The following SPATA9 variants were observed in gnomAD, a reference collection of about 807,000 sequenced individuals.
The protein encoded by SPATA9 is spermatogenesis-associated protein 9.
A neutral mutation model predicts 25.5 loss-of-function variants in SPATA9; 27 were observed. That is an observed-to-expected ratio of 1.06 (90% CI 0.78 to 1.46). The LOEUF (loss-of-function observed/expected upper bound fraction) is 1.46. Ranked by LOEUF, SPATA9 falls within the 40% of genes most tolerant of loss-of-function variation. The pLI, the probability that SPATA9 is intolerant of heterozygous loss-of-function variation, is 0.00. For synonymous variants in SPATA9, 102 were observed against 105.7 expected (o/e 0.97, Z 0.21); for missense variants, 282 against 297.5 (o/e 0.95, Z 0.38).
chr5:95,706,643 A>G, the SPATA9 span, among the ~76,000 whole-genome samples: 1 of 152,112 alleles, frequency 6.6e-6, no homozygotes, highest in Non-Finnish European at 1.5e-5. Flanking sequence ...CAGACAGGTA[A>G]ATTAAGTTGT....
At chr5:95,731,148 C>T in the SPATA9 span, 46 of 1,015,450 alleles carry the variant, frequency 4.5e-5, no homozygotes, top group African/African-American at 3.1e-4. Flanking sequence ...CGGCGCCCCG[C>T]GCGGGCGGCT....
the SPATA9 span, among the ~76,000 whole-genome samples, chr5:95,710,667 G>A: frequency 1.3e-5 from 2 of 152,168 alleles, no homozygotes; most frequent in East Asian, 3.9e-4. Flanking sequence ...CTAAAGCAGA[G>A]GCTTCAGTTA....
the SPATA9 span, chr5:95,717,891 G>T: frequency 4.0e-4 from 61 of 152,194 alleles, no homozygotes; most frequent in African/African-American, 1.4e-3. Flanking sequence ...GCAGGTATTT[G>T]GTTTATAGTT....
downstream of SPATA9, chr5:95,654,029 T>G (rs1053026171): frequency 1.3e-6 from 2 of 1,590,434 alleles, no homozygotes; most frequent in Non-Finnish European, 1.7e-6. Flanking sequence ...AGTGAATACT[T>G]CTTGTAACTT....
intron 1 of SPATA9, among the ~76,000 whole-genome samples, chr5:95,690,711 C>G (rs925409366): frequency 6.6e-6 from 1 of 152,108 alleles, no homozygotes; most frequent in African/African-American, 2.4e-5. Flanking sequence ...CCAAAAAATT[C>G]CAGTATGATC....
chr5:95,658,530 A>G lies in SPATA9; in HGVS notation c.*93T>C. 2.2e-6 allele frequency: 3 copies of G among 1,384,542 alleles called. No homozygotes were observed. The highest frequency in any genetic ancestry group is 2.8e-6 in the Non-Finnish European group (3 of 1,061,156). The allele number at this position is 1,384,542 out of a possible 1,614,324, so 85.8% of individuals were successfully genotyped here. A position where few individuals can be genotyped will look rare whatever the true frequency, so the allele number is the denominator to read the frequency against. Reference sequence around the variant, plus strand: ...TCTCTTTTTTTTAAGAAAGCAGAGCAATTCAGAATATGTAAACTAGACTCT... The same window carrying G: ...TCTCTTTTTTTTAAGAAAGCAGAGCGATTCAGAATATGTAAACTAGACTCT... On this transcript the variant is annotated 3_prime_UTR_variant, in exon 5 of 5. Coordinates refer to ENST00000274432, the MANE Select transcript of SPATA9 (RefSeq NM_031952.4).
chr5:95,688,248 T>G (rs1231777397), intron 1 of SPATA9, among the ~76,000 whole-genome samples: 1 of 152,158 alleles, frequency 6.6e-6, no homozygotes, highest in Non-Finnish European at 1.5e-5. Context: ...GAATGAAATC[T>G]TGTCTCTTTT....
chr5:95,656,125 A>G, downstream of SPATA9: 9 of 1,613,812 alleles, frequency 5.6e-6, no homozygotes, highest in Non-Finnish European at 6.8e-6. Flanking sequence ...GGTCTGTACC[A>G]GTCTATAAAC....
At chr5:95,716,335 G>A in the SPATA9 span, among the ~76,000 whole-genome samples, 1 of 152,250 alleles carries the variant, frequency 6.6e-6, no homozygotes, top group African/African-American at 2.4e-5. Context: ...TGCCATGGGA[G>A]CCCACCTCTT....
chr5:95,716,570 T>C, the SPATA9 span, among the ~76,000 whole-genome samples: 1 of 152,220 alleles, frequency 6.6e-6, no homozygotes, highest in Non-Finnish European at 1.5e-5. Flanking sequence ...AGGTGGAAGG[T>C]ACTTGCCTTA....
upstream of SPATA9, among the ~76,000 whole-genome samples, chr5:95,702,894 T>C (rs1754211236): frequency 6.6e-6 from 1 of 151,940 alleles, no homozygotes; most frequent in African/African-American, 2.4e-5. Context: ...AAAACAAAAA[T>C]AAAAAAGAAA....
rs1489978837 is a variant in SPATA9 at position 95,658,618 on chromosome 5, T to C, written c.*5A>G. 1 of 1,610,412 alleles carries C rather than the reference T, an allele frequency of 6.2e-7. No individual in the cohort carries two copies. Among genetic ancestry groups the C allele is most frequent in the South Asian group, 1.1e-5 (1 of 90,568 alleles). On this transcript the variant is annotated 3_prime_UTR_variant, in exon 5 of 5. Transcript: ENST00000274432. ...CTCTTAAGTTCTGTTCAGTGATACCTGTATTCAGATTTGCTCATTCATTTC... is the reference window on the plus strand; with the variant it reads ...CTCTTAAGTTCTGTTCAGTGATACCCGTATTCAGATTTGCTCATTCATTTC...
intron 8 of SPATA9, chr5:95,653,245 C>T (rs1238201017): frequency 6.4e-7 from 1 of 1,551,086 alleles, no homozygotes; most frequent in Admixed American, 2.0e-5. Flanking sequence ...CATTCATACC[C>T]ACCTTCTCTT....
At chr5:95,684,948 C>T (rs1485963358), upstream of SPATA9, among the ~76,000 whole-genome samples, 1 of 152,106 alleles carries the variant, frequency 6.6e-6, no homozygotes, top group Admixed American at 6.6e-5. Context: ...TACAGAAGAA[C>T]AGAACTTTTG....
the SPATA9 span, among the ~76,000 whole-genome samples, chr5:95,711,889 C>T: frequency 6.6e-6 from 1 of 152,220 alleles, no homozygotes. Context: ...ACCCGCCACA[C>T]GGCTTGAACA....
At chr5:95,720,024 G>A in the SPATA9 span, among the ~76,000 whole-genome samples, 2 of 152,188 alleles carry the variant, frequency 1.3e-5, no homozygotes, top group Non-Finnish European at 2.9e-5. Flanking sequence ...GACAGTGTTT[G>A]CTACCTATTA....
At chr5:95,673,055 A>T (rs1752556136) in intron 3 of SPATA9, among the ~76,000 whole-genome samples, 1 of 152,114 alleles carries the variant, frequency 6.6e-6, no homozygotes, top group Admixed American at 6.6e-5. Context: ...TCCCTGAAAC[A>T]TGTACTTATA....
the SPATA9 span, chr5:95,708,710 T>C: frequency 1.5e-5 from 10 of 689,060 alleles, no homozygotes; most frequent in Admixed American, 1.8e-4. Context: ...TCTGCTCCTA[T>C]GACCGGTAAG....
the SPATA9 span, among the ~76,000 whole-genome samples, chr5:95,705,392 TTAAG>T: frequency 2.6e-5 from 4 of 152,218 alleles, no homozygotes; most frequent in South Asian, 2.1e-4. Flanking sequence ...GCATATATAA[TTAAG>T]TATTTCATTC....
Sources: gnomAD v4.1 joint callset for allele counts (sites outside exome capture counted in the v4.1 genomes callset) on GRCh38, gnomAD v4.1.1 for gene constraint, MANE v1.5 for transcripts, NCBI Gene and HGNC (gene_info 2026-07-23, HGNC 2026-07-21) for gene names.